The following SERGEF variants were observed in gnomAD, a reference collection of about 807,000 sequenced individuals.
SERGEF encodes secretion-regulating guanine nucleotide exchange factor.
Under a neutral mutation model 50.0 loss-of-function variants are expected in SERGEF, and 51 were observed. The ratio of observed to expected loss-of-function variants is 1.02; its 90% CI spans 0.81 to 1.29. SERGEF has a LOEUF of 1.29. SERGEF is among the 50% of genes most tolerant of loss of function. The pLI, the probability that SERGEF is intolerant of heterozygous loss-of-function variation, is 0.00. For missense variants in SERGEF, 521 were observed against 557.0 expected, an observed-to-expected ratio of 0.94 and a Z score of 0.65; for synonymous variants, 205 against 212.4, an observed-to-expected ratio of 0.97 and a Z score of 0.30.
At chr11:17,823,216 G>C (rs1850114568) in intron 10 of SERGEF, among the ~76,000 whole-genome samples, 1 of 152,188 alleles carries the variant, frequency 6.6e-6, no homozygotes, top group South Asian at 2.1e-4. Flanking sequence ...CTCATAGTTA[G>C]ACTGGGATTA....
chr11:17,811,598 G>A (rs1849875410), intron 10 of SERGEF, among the ~76,000 whole-genome samples: 1 of 152,220 alleles, frequency 6.6e-6, no homozygotes, highest in African/African-American at 2.4e-5. Context: ...CAGACATTCT[G>A]AGAGGTTTGA....
intron 10 of SERGEF, among the ~76,000 whole-genome samples, chr11:17,803,855 C>T (rs569504804): frequency 1.1e-3 from 164 of 152,330 alleles, no homozygotes; most frequent in African/African-American, 3.8e-3. Flanking sequence ...ACATTTGACA[C>T]AAGTTCTAGC....
chr11:18,007,911 G>A (rs375039054), intron 2 of SERGEF, 30 bp downstream of exon 2: 1 of 1,590,088 alleles, frequency 6.3e-7, no homozygotes, highest in Non-Finnish European at 8.6e-7. Flanking sequence ...ATAAGAAAAT[G>A]AGTGACTATC....
intron 10 of SERGEF, among the ~76,000 whole-genome samples, chr11:17,851,004 T>G (rs1408949513): frequency 1.3e-5 from 2 of 152,228 alleles, no homozygotes; most frequent in South Asian, 4.1e-4. Flanking sequence ...TTGGACAACA[T>G]GCTTGACTCA....
At chr11:17,897,135 T>C (rs901267374) in intron 9 of SERGEF, among the ~76,000 whole-genome samples, 4 of 152,150 alleles carry the variant, frequency 2.6e-5, no homozygotes, top group East Asian at 3.9e-4. Flanking sequence ...TAAGGGACCA[T>C]TGCTGGGTTT....
At chr11:18,002,581 A>G (rs923506141) in intron 4 of SERGEF, among the ~76,000 whole-genome samples, 1 of 152,162 alleles carries the variant, frequency 6.6e-6, no homozygotes, top group Non-Finnish European at 1.5e-5. Flanking sequence ...GTAAACCTCT[A>G]TTTAACTTTT....
chr11:17,959,672 C>A, intron 8 of SERGEF, 36 bp from the exon 9 acceptor site: 1 of 1,565,862 alleles, frequency 6.4e-7, no homozygotes, highest in Non-Finnish European at 8.7e-7. Flanking sequence ...AGACTACATT[C>A]CACAGCTGTG....
chr11:17,794,900 G>A (rs1440205945), intron 10 of SERGEF, among the ~76,000 whole-genome samples: 6 of 152,222 alleles, frequency 3.9e-5, no homozygotes, highest in African/African-American at 9.6e-5. Flanking sequence ...TCCAGCTGGC[G>A]AGAGAAAGAT....
At chr11:17,971,659 A>G (rs548439483) in intron 8 of SERGEF, among the ~76,000 whole-genome samples, 1 of 152,350 alleles carries the variant, frequency 6.6e-6, no homozygotes, top group African/African-American at 2.4e-5. Flanking sequence ...AGAGGTGTAC[A>G]TGGAGATTAA....
At chr11:17,875,893 G>T (rs1039252937) in intron 10 of SERGEF, among the ~76,000 whole-genome samples, 3 of 152,220 alleles carry the variant, frequency 2.0e-5, no homozygotes, top group Non-Finnish European at 4.4e-5. Flanking sequence ...AAGGGCTAGA[G>T]TTCAGGGAAT....
chr11:17,800,890 G>A (rs1000082674), intron 10 of SERGEF, among the ~76,000 whole-genome samples: 6 of 152,088 alleles, frequency 3.9e-5, no homozygotes, highest in African/African-American at 1.4e-4. Flanking sequence ...CAAGGGAGAG[G>A]CAGGCCTTAA....
chr11:17,924,663 T>C (rs1852217898), intron 9 of SERGEF, among the ~76,000 whole-genome samples: 3 of 127,184 alleles, frequency 2.4e-5, no homozygotes, highest in African/African-American at 6.2e-5. Context: ...GGGGGGTGAT[T>C]TGGGTTGAGA....
chr11:17,843,393 A>G (rs778115411), intron 10 of SERGEF, among the ~76,000 whole-genome samples: 13 of 152,236 alleles, frequency 8.5e-5, no homozygotes, highest in Admixed American at 3.9e-4. Context: ...ATTTTCATGT[A>G]GTAAGTCAAT....
intron 8 of SERGEF, among the ~76,000 whole-genome samples, chr11:17,971,381 T>C (rs143749651): frequency 5.9e-5 from 9 of 152,308 alleles, no homozygotes; most frequent in Non-Finnish European, 1.3e-4. Context: ...AGAAGATAAC[T>C]ATCTAGGGCT....
intron 10 of SERGEF, among the ~76,000 whole-genome samples, chr11:17,830,647 A>AGGGAGAGAGAGGGGG (rs1850284338): frequency 1.0e-5 from 1 of 97,804 alleles, no homozygotes; most frequent in African/African-American, 3.8e-5. Flanking sequence ...AGGGAGAGGG[A>AGGGAGAGAGAGGGGG]GGGAGAGAGA....
At position 17,906,826 on chromosome 11, in the gene SERGEF, G is replaced by GGAA. The variant is rs1442773683; in HGVS notation, c.1012-28583_1012-28582insTTC. On this transcript the variant is annotated intron_variant, in intron 9 of 10. Transcript: ENST00000265965. ...ACAGCCATACACTTCTATCAAATAA[G>GGAA]AAAAAAAAAAAAAAAACCTCAGGGT... 5.3e-5 allele frequency among the ~76,000 whole-genome samples: 7 copies of GGAA among 132,950 alleles called. No individual in the cohort carries two copies. In the East Asian group the frequency reaches 1.6e-3, roughly 31 times the overall value. The allele number at this position is 132,950 out of a possible 152,430, so 87.2% of individuals were successfully genotyped here.
At chr11:17,948,979 T>C (rs1398771141) in intron 9 of SERGEF, among the ~76,000 whole-genome samples, 2 of 152,176 alleles carry the variant, frequency 1.3e-5, no homozygotes, top group Non-Finnish European at 2.9e-5. Context: ...CCACTGGCAG[T>C]GTCCCCACAG....
intron 9 of SERGEF, among the ~76,000 whole-genome samples, chr11:17,903,411 C>A (rs1377893719): frequency 2.6e-5 from 4 of 152,102 alleles, no homozygotes; most frequent in African/African-American, 9.7e-5. Flanking sequence ...ATCTTCAAGG[C>A]AATAAAAATA....
intron 8 of SERGEF, among the ~76,000 whole-genome samples, chr11:17,982,428 T>C (rs1043268993): frequency 6.6e-6 from 1 of 152,172 alleles, no homozygotes; most frequent in Non-Finnish European, 1.5e-5. Flanking sequence ...TAAAAAAGTA[T>C]CCATTTCAAA....
Sources: allele counts gnomAD v4.1 joint callset (sites outside exome capture counted in the v4.1 genomes callset), GRCh38; gene constraint gnomAD v4.1.1; transcripts MANE v1.5; gene names NCBI Gene and HGNC (gene_info 2026-07-23, HGNC 2026-07-21).